Variants in IL1RAPL2 observed in about 807,000 individuals in gnomAD.
The protein encoded by IL1RAPL2 is X-linked interleukin-1 receptor accessory protein-like 2.
Under a neutral mutation model 44.1 loss-of-function variants are expected in IL1RAPL2, and 3 were observed. The ratio of observed to expected loss-of-function variants is 0.07; its 90% CI spans 0.03 to 0.18. The LOEUF (loss-of-function observed/expected upper bound fraction) is 0.18. Among genes scored for constraint, IL1RAPL2 ranks in the 10% least tolerant of loss-of-function variants. The probability of loss-of-function intolerance (pLI) is 1.00; values close to 1 mark genes in which losing one functional copy is unlikely to be tolerated. For missense variants in IL1RAPL2, 391 were observed against 496.4 expected, an observed-to-expected ratio of 0.79 and a Z score of 2.02; for synonymous variants, 181 against 178.8, an observed-to-expected ratio of 1.01 and a Z score of -0.10.
At chrX:104,712,553 C>A (rs761394551) in intron 2 of IL1RAPL2, among the ~76,000 whole-genome samples, 3 of 110,677 alleles carry the variant, frequency 2.7e-5, no homozygotes, top group Non-Finnish European at 3.8e-5. Flanking sequence ...TTCCTAAGGT[C>A]CTTGTAAATC....
intron 6 of IL1RAPL2, among the ~76,000 whole-genome samples, chrX:105,685,833 A>T (rs948397564): frequency 8.0e-5 from 9 of 112,205 alleles, no homozygotes; most frequent in African/African-American, 2.9e-4. Flanking sequence ...AGGGAAGCCC[A>T]TCAGACTAAC....
At chrX:105,221,633 G>A (rs1361857199) in intron 3 of IL1RAPL2, among the ~76,000 whole-genome samples, 1 of 111,767 alleles carries the variant, frequency 8.9e-6, no homozygotes, top group Middle Eastern at 4.2e-3. Context: ...GGCTAGTTGT[G>A]TTTGGCTGAA....
intron 3 of IL1RAPL2, among the ~76,000 whole-genome samples, chrX:105,212,333 C>T (rs1714029919): frequency 8.9e-6 from 1 of 112,021 alleles, no homozygotes; most frequent in African/African-American, 3.2e-5. Context: ...CCTGACAGTG[C>T]TAAGGAGGCT....
chrX:104,977,796 G>A (rs763717428), intron 2 of IL1RAPL2, among the ~76,000 whole-genome samples: 1 of 112,458 alleles, frequency 8.9e-6, no homozygotes, highest in African/African-American at 3.2e-5. Context: ...TGTGCACAGA[G>A]TAGTAGCTCA....
intron 3 of IL1RAPL2, chrX:105,220,582 C>T (rs1452461898): frequency 5.3e-6 from 2 of 378,924 alleles, no homozygotes; most frequent in Non-Finnish European, 8.9e-6. Context: ...GGACACCTCC[C>T]ACCAGGCCTC....
intron 5 of IL1RAPL2, among the ~76,000 whole-genome samples, chrX:105,337,889 TCA>T (rs748127601): frequency 0.091 from 9,453 of 104,328 alleles, 1,140 homozygotes; most frequent in African/African-American, 0.31. Context: ...AGACTCCATC[TCA>T]CACACACACA....
intron 2 of IL1RAPL2, among the ~76,000 whole-genome samples, chrX:104,996,812 A>G (rs778624209): frequency 2.2e-4 from 25 of 111,643 alleles, no homozygotes; most frequent in Non-Finnish European, 4.1e-4. Flanking sequence ...TTGAAACTGA[A>G]GTAGAGAAAG....
intron 2 of IL1RAPL2, among the ~76,000 whole-genome samples, chrX:104,880,497 T>C (rs1347069652): frequency 8.9e-6 from 1 of 111,851 alleles, no homozygotes; most frequent in Non-Finnish European, 1.9e-5. Flanking sequence ...TTGTAGAAGA[T>C]TTAGACAAGT....
intron 5 of IL1RAPL2, among the ~76,000 whole-genome samples, chrX:105,280,438 TTAAAC>T (rs751031189): frequency 1.8e-4 from 20 of 111,668 alleles, no homozygotes; most frequent in Admixed American, 1.6e-3. Context: ...TGGAATCTAA[TTAAAC>T]TAAAGAGCTT....
At chrX:105,220,920 G>A (rs903396428) in intron 3 of IL1RAPL2, among the ~76,000 whole-genome samples, 1 of 111,869 alleles carries the variant, frequency 8.9e-6, no homozygotes, top group African/African-American at 3.3e-5. Context: ...AAAGTCCCAT[G>A]TATCCCTCCC....
intron 6 of IL1RAPL2, among the ~76,000 whole-genome samples, chrX:105,595,791 C>A (rs2037205171): frequency 1.8e-5 from 2 of 110,886 alleles, no homozygotes; most frequent in South Asian, 7.5e-4. Flanking sequence ...CCATCTTAGT[C>A]CTGGGATTTT....
chrX:105,082,174 A>G (rs1309726967), intron 2 of IL1RAPL2, among the ~76,000 whole-genome samples: 1 of 111,285 alleles, frequency 9.0e-6, no homozygotes, highest in Non-Finnish European at 1.9e-5. Context: ...CTCTACTCGG[A>G]GATCCAATTT....
At chrX:104,759,274 T>C (rs1284590952) in intron 2 of IL1RAPL2, among the ~76,000 whole-genome samples, 1 of 112,166 alleles carries the variant, frequency 8.9e-6, no homozygotes, top group African/African-American at 3.2e-5. Flanking sequence ...GAGCAACCAC[T>C]GACAAACTAC....
chrX:105,210,770 G>A (rs1250477259), intron 3 of IL1RAPL2, among the ~76,000 whole-genome samples: 1 of 111,196 alleles, frequency 9.0e-6, no homozygotes, highest in African/African-American at 3.3e-5. Flanking sequence ...ACAAACTAAT[G>A]TCACATCTAG....
At chrX:104,638,088 T>C (rs1929861683) in intron 1 of IL1RAPL2, among the ~76,000 whole-genome samples, 1 of 111,525 alleles carries the variant, frequency 9.0e-6, no homozygotes, top group Non-Finnish European at 1.9e-5. Flanking sequence ...TGATTCAATC[T>C]TGGTAAGTTG....
intron 2 of IL1RAPL2, among the ~76,000 whole-genome samples, chrX:105,042,475 A>C (rs2031761792): frequency 9.2e-6 from 1 of 109,179 alleles, no homozygotes; most frequent in Non-Finnish European, 1.9e-5. Context: ...ACACATGAAA[A>C]AATGCTCATC....
intron 5 of IL1RAPL2, among the ~76,000 whole-genome samples, chrX:105,438,088 T>G (rs2035894259): frequency 9.0e-6 from 1 of 111,648 alleles, no homozygotes; most frequent in Admixed American, 9.5e-5. Flanking sequence ...TATAATTAAG[T>G]GTTTTAAAAT....
rs763556836 is a variant in IL1RAPL2, at chrX:105,738,299, G to A, written c.903-2247G>A. 1.3e-4 allele frequency among the ~76,000 whole-genome samples: 15 copies of A among 111,668 alleles called. No homozygotes were observed. The South Asian group carries it at 4.5e-3, about 33-fold the overall frequency. On this transcript the variant is annotated intron_variant, in intron 7 of 10. Coordinates refer to ENST00000372582, the MANE Select transcript of IL1RAPL2 (RefSeq NM_017416.2). ...TACCCTTACAACAAAGTTAAAGTGC[G>A]TATGGTAGTTATTTTACAGTTTCAG...
At chrX:105,692,412 T>C (rs2038042593) in intron 6 of IL1RAPL2, among the ~76,000 whole-genome samples, 1 of 111,515 alleles carries the variant, frequency 9.0e-6, no homozygotes, top group Admixed American at 9.6e-5. Context: ...CACCTGTATT[T>C]TAATAAGTTG....
Sources: gnomAD v4.1 joint callset for allele counts (sites outside exome capture counted in the v4.1 genomes callset) on GRCh38, gnomAD v4.1.1 for gene constraint, MANE v1.5 for transcripts, NCBI Gene and HGNC (gene_info 2026-07-23, HGNC 2026-07-21) for gene names.